Variants in TFCP2 observed in about 807,000 individuals in gnomAD.
TFCP2 encodes transcription factor CP2.
TFCP2 carries 33 observed loss-of-function variants against 73.4 expected under a neutral mutation model. The observed-to-expected ratio is 0.45, with a 90% CI of 0.34 to 0.60. The LOEUF (loss-of-function observed/expected upper bound fraction) is 0.60, where lower values mean the gene tolerates loss of function less well. Among genes scored for constraint, TFCP2 ranks in the 20% least tolerant of loss-of-function variants. The pLI is 0.01. For synonymous variants in TFCP2, 193 were observed against 211.6 expected, an observed-to-expected ratio of 0.91 and a Z score of 0.76; for missense variants, 352 against 604.0, an observed-to-expected ratio of 0.58 and a Z score of 4.37.
At chr12:51,104,770 G>A (rs1333114505) in intron 8 of TFCP2, among the ~76,000 whole-genome samples, 4 of 150,854 alleles carry the variant, frequency 2.7e-5, no homozygotes, top group Non-Finnish European at 5.9e-5. Flanking sequence ...GGAGTGCAGC[G>A]GCATGATCTC....
chr12:51,162,237 G>C (rs1941664821), intron 1 of TFCP2, among the ~76,000 whole-genome samples: 1 of 152,126 alleles, frequency 6.6e-6, no homozygotes, highest in African/African-American at 2.4e-5. Flanking sequence ...CCTGAGGTCA[G>C]GAGTTCAAGA....
chr12:51,099,895 C>G, intron 11 of TFCP2, 116 bp from the exon 12 acceptor site: 1 of 1,277,430 alleles, frequency 7.8e-7, no homozygotes, highest in Non-Finnish European at 1.1e-6. Flanking sequence ...ATTGGAAGCT[C>G]ATTGGCCAAA....
intron 1 of TFCP2, among the ~76,000 whole-genome samples, chr12:51,119,695 A>G (rs1378844691): frequency 6.6e-6 from 1 of 151,766 alleles, no homozygotes; most frequent in Non-Finnish European, 1.5e-5. Flanking sequence ...GGTTGTAGTG[A>G]GCCGAGATGG....
intron 8 of TFCP2, among the ~76,000 whole-genome samples, chr12:51,104,754 C>T (rs1044919400): frequency 9.3e-5 from 14 of 151,200 alleles, no homozygotes; most frequent in African/African-American, 3.4e-4. Flanking sequence ...CTCTCTTGCC[C>T]AGGCCGGAGT....
chr12:51,112,907 G>A (rs1438650703), intron 4 of TFCP2, among the ~76,000 whole-genome samples: 13 of 149,786 alleles, frequency 8.7e-5, no homozygotes, highest in African/African-American at 3.2e-4. Flanking sequence ...GACTTACCAA[G>A]TCATCAAATA....
chr12:51,115,381 A>G (rs919637101), intron 4 of TFCP2, among the ~76,000 whole-genome samples: 1 of 152,090 alleles, frequency 6.6e-6, no homozygotes, highest in East Asian at 1.9e-4. Flanking sequence ...TGGCCTCCCA[A>G]AGTTTTGGGA....
chr12:51,117,562 TA>T, intron 3 of TFCP2, 108 bp downstream of exon 3: 1 of 795,440 alleles, frequency 1.3e-6, no homozygotes, highest in Middle Eastern at 2.3e-4. Flanking sequence ...AGGCAAGAGA[TA>T]CCATTAAGCC....
chr12:51,143,761 G>C (rs1002615442), intron 1 of TFCP2, among the ~76,000 whole-genome samples: 1 of 152,100 alleles, frequency 6.6e-6, no homozygotes, highest in African/African-American at 2.4e-5. Context: ...ATGCTAGGCT[G>C]TCTCTTGGAA....
chr12:51,158,627 T>C (rs1044116789), intron 1 of TFCP2, among the ~76,000 whole-genome samples: 49 of 151,934 alleles, frequency 3.2e-4, no homozygotes, highest in African/African-American at 1.2e-3. Context: ...TAGCTGGGAC[T>C]ACAGGCATGA....
intron 14 of TFCP2, 29 bp downstream of exon 14, chr12:51,095,960 T>C: frequency 6.2e-7 from 1 of 1,602,906 alleles, no homozygotes; most frequent in South Asian, 1.1e-5. Flanking sequence ...GTTAAACTGC[T>C]TAGAGAAAGA....
At chr12:51,138,073 CCTTAATGAAAG>C (rs1296848285) in intron 1 of TFCP2, among the ~76,000 whole-genome samples, 1 of 152,092 alleles carries the variant, frequency 6.6e-6, no homozygotes, top group Non-Finnish European at 1.5e-5. Context: ...TCATTCCTCC[CCTTAATGAAAG>C]GCAAGCACAG....
intron 1 of TFCP2, 64 bp downstream of exon 1, chr12:51,172,236 CT>C: frequency 2.5e-6 from 4 of 1,596,810 alleles, no homozygotes; most frequent in Non-Finnish European, 3.4e-6. Flanking sequence ...CACTCAACCC[CT>C]TTTCTTAGTG....
In TFCP2 at chr12:51,117,661, T is replaced by C. The variant is rs368809802; in HGVS notation, c.351+10A>G. The C allele has an allele frequency of 4.6e-5, 73 of 1,600,310 alleles. No homozygotes were observed. The East Asian group carries it at 1.6e-3, about 35-fold the overall frequency. On this transcript the variant is annotated intron_variant, in intron 3 of 14. Transcript: ENST00000257915. ...AAATATTGTACAGAAGAATGATTTA[T>C]TCGTTTTACCTTCACCAATTTGCCA...
chr12:51,123,916 C>T (rs1387992349), intron 1 of TFCP2, among the ~76,000 whole-genome samples: 1 of 152,226 alleles, frequency 6.6e-6, no homozygotes, highest in African/African-American at 2.4e-5. Context: ...TTAAGGTCTA[C>T]ATCGCTAAAC....
intron 13 of TFCP2, among the ~76,000 whole-genome samples, chr12:51,097,882 G>A (rs551729222): frequency 6.6e-6 from 1 of 151,944 alleles, no homozygotes; most frequent in Non-Finnish European, 1.5e-5. Context: ...CAGGCATGGT[G>A]GTGGGTGCCT....
At chr12:51,124,967 C>T (rs1022576884) in intron 1 of TFCP2, 1 of 743,330 alleles carries the variant, frequency 1.3e-6, no homozygotes, top group African/African-American at 1.7e-5. Flanking sequence ...CGTTGCTCAC[C>T]TGCCTGGAGA....
chr12:51,117,538 C>T (rs1192133265), intron 3 of TFCP2, 133 bp downstream of exon 3: 2 of 673,100 alleles, frequency 3.0e-6, no homozygotes, highest in Non-Finnish European at 5.0e-6. Context: ...ACTACTCTGC[C>T]AACAAATTAC....
chr12:51,152,053 T>C (rs995701357), intron 1 of TFCP2, among the ~76,000 whole-genome samples: 7 of 152,116 alleles, frequency 4.6e-5, no homozygotes, highest in African/African-American at 1.4e-4. Context: ...AACAGGATAT[T>C]TACATAGTCT....
chr12:51,169,664 A>C (rs1941822400), intron 1 of TFCP2, among the ~76,000 whole-genome samples: 1 of 152,188 alleles, frequency 6.6e-6, no homozygotes, highest in African/African-American at 2.4e-5. Flanking sequence ...TGGAAGTTCT[A>C]CTGAGCCGAG....
Sources: gnomAD v4.1 joint callset for allele counts (sites outside exome capture counted in the v4.1 genomes callset) on GRCh38, gnomAD v4.1.1 for gene constraint, MANE v1.5 for transcripts, NCBI Gene and HGNC (gene_info 2026-07-23, HGNC 2026-07-21) for gene names.